Variants in RANBP2 observed in about 807,000 individuals in gnomAD.
RANBP2 encodes E3 SUMO-protein ligase RanBP2.
Under a neutral mutation model 303.6 loss-of-function variants are expected in RANBP2, and 57 were observed. The ratio of observed to expected loss-of-function variants is 0.19; its 90% CI spans 0.15 to 0.23. The LOEUF (loss-of-function observed/expected upper bound fraction) is 0.23. Among genes scored for constraint, RANBP2 ranks in the 10% least tolerant of loss-of-function variants. The pLI is 1.00. For missense variants in RANBP2, 3,138 were observed against 3,780.8 expected (o/e 0.83, Z 4.46); for synonymous variants, 1,167 against 1,301.5 (o/e 0.90, Z 2.23).
At chr2:109,228,694 A>G in the RANBP2 span, among the ~76,000 whole-genome samples, 2 of 152,132 alleles carry the variant, frequency 1.3e-5, no homozygotes, top group African/African-American at 2.4e-5. Flanking sequence ...GATAAAAGAT[A>G]CAGGCAAGCA....
intron 1 of RANBP2, among the ~76,000 whole-genome samples, chr2:108,724,928 A>C (rs138801425): frequency 1.3e-5 from 2 of 152,180 alleles, no homozygotes; most frequent in African/African-American, 4.8e-5. Flanking sequence ...GATTCATTTG[A>C]CTGTGCAAGA....
At chr2:109,638,612 T>C in the RANBP2 span, among the ~76,000 whole-genome samples, 2 of 152,222 alleles carry the variant, frequency 1.3e-5, no homozygotes, top group Non-Finnish European at 2.9e-5. Flanking sequence ...CATGTGTCAA[T>C]AAAATAAATT....
chr2:109,029,725 T>C, the RANBP2 span, among the ~76,000 whole-genome samples: 2 of 152,290 alleles, frequency 1.3e-5, no homozygotes, highest in Middle Eastern at 3.4e-3. Flanking sequence ...CTGGAACAGC[T>C]GCAGGACAGG....
chr2:109,116,464 C>T, the RANBP2 span, among the ~76,000 whole-genome samples: 1 of 152,196 alleles, frequency 6.6e-6, no homozygotes, highest in East Asian at 1.9e-4. Flanking sequence ...GTTCTAGAGC[C>T]TTGGCTTTCA....
At chr2:109,022,505 A>G in the RANBP2 span, among the ~76,000 whole-genome samples, 1 of 152,184 alleles carries the variant, frequency 6.6e-6, no homozygotes, top group East Asian at 1.9e-4. Context: ...TGTTTTTCAG[A>G]AAGTCAAACA....
At chr2:109,338,097 C>T in the RANBP2 span, among the ~76,000 whole-genome samples, 43 of 152,162 alleles carry the variant, frequency 2.8e-4, no homozygotes, top group African/African-American at 8.2e-4. Flanking sequence ...TTAGTAAACA[C>T]GCTGTGTGCT....
the RANBP2 span, among the ~76,000 whole-genome samples, chr2:108,973,030 A>AGTGGCTAGTCATGCAGT: frequency 6.6e-6 from 1 of 152,046 alleles, no homozygotes; most frequent in Admixed American, 6.5e-5. Flanking sequence ...CTTGTCATCC[A>AGTGGCTAGTCATGCAGT]GGCTAGACTG....
intron 1 of RANBP2, among the ~76,000 whole-genome samples, chr2:108,720,339 T>G (rs1157044746): frequency 6.7e-6 from 1 of 149,088 alleles, no homozygotes; most frequent in African/African-American, 2.6e-5. Context: ...CCGGAACACT[T>G]TGGTAGCTGC....
the RANBP2 span, among the ~76,000 whole-genome samples, chr2:109,631,298 C>A: frequency 1.3e-5 from 2 of 152,294 alleles, no homozygotes; most frequent in Non-Finnish European, 2.9e-5. Flanking sequence ...GCCCTACACT[C>A]CTACCTCCAT....
the RANBP2 span, among the ~76,000 whole-genome samples, chr2:109,316,766 C>CT: frequency 6.6e-6 from 1 of 152,198 alleles, no homozygotes; most frequent in South Asian, 2.1e-4. Flanking sequence ...ACACTCAGTA[C>CT]TTTCCCTGCC....
chr2:109,298,149 C>T, the RANBP2 span, among the ~76,000 whole-genome samples: 68 of 152,192 alleles, frequency 4.5e-4, no homozygotes, highest in South Asian at 3.5e-3. Context: ...TAGCCAAGGG[C>T]GGGTGGATGG....
chr2:109,244,621 C>T, the RANBP2 span, among the ~76,000 whole-genome samples: 1 of 152,154 alleles, frequency 6.6e-6, no homozygotes, highest in Non-Finnish European at 1.5e-5. Context: ...CCCAAGAATG[C>T]CAGTTAGCAG....
At chr2:108,958,006 C>A in the RANBP2 span, among the ~76,000 whole-genome samples, 1 of 152,096 alleles carries the variant, frequency 6.6e-6, no homozygotes, top group African/African-American at 2.4e-5. Context: ...CTTTAAGCAG[C>A]CCTTTGGATT....
the RANBP2 span, among the ~76,000 whole-genome samples, chr2:109,720,141 A>G: frequency 6.6e-6 from 1 of 152,158 alleles, no homozygotes; most frequent in East Asian, 1.9e-4. Context: ...AACTTTTGCC[A>G]ATAGAACATG....
chr2:108,983,796 G>A, the RANBP2 span, among the ~76,000 whole-genome samples: 3 of 152,202 alleles, frequency 2.0e-5, no homozygotes, highest in African/African-American at 7.2e-5. Context: ...CTGGCATGCT[G>A]GCCAAGGGCA....
At chr2:109,630,452 C>G in the RANBP2 span, among the ~76,000 whole-genome samples, 3 of 152,198 alleles carry the variant, frequency 2.0e-5, no homozygotes, top group South Asian at 2.1e-4. Flanking sequence ...ATTATCCGCT[C>G]TAGCCAATCC....
chr2:108,788,075 C>T (rs757116591), downstream of RANBP2: 3 of 1,598,026 alleles, frequency 1.9e-6, no homozygotes, highest in African/African-American at 1.4e-5. Flanking sequence ...AAGAGAAGAA[C>T]TCTAACCTCC....
the RANBP2 span, among the ~76,000 whole-genome samples, chr2:109,202,754 C>G: frequency 6.6e-6 from 1 of 152,152 alleles, no homozygotes; most frequent in South Asian, 2.1e-4. Flanking sequence ...GTCGACAGCC[C>G]TTCCCATACT....
chr2:109,497,353 ACT>A, the RANBP2 span, among the ~76,000 whole-genome samples: 1 of 152,102 alleles, frequency 6.6e-6, no homozygotes, highest in Non-Finnish European at 1.5e-5. Flanking sequence ...CACTTTGCAG[ACT>A]CTGTTGTCAG....
Sources: allele counts gnomAD v4.1 joint callset (sites outside exome capture counted in the v4.1 genomes callset), GRCh38; gene constraint gnomAD v4.1.1; transcripts MANE v1.5; gene names NCBI Gene and HGNC (gene_info 2026-07-23, HGNC 2026-07-21).